Variants in COL6A1 observed in about 807,000 individuals in gnomAD.
The protein encoded by COL6A1 is collagen alpha-1(VI) chain.
COL6A1 carries 80 observed loss-of-function variants against 145.6 expected under a neutral mutation model. The observed-to-expected ratio is 0.55, with a 90% CI of 0.46 to 0.66. The LOEUF is 0.66. COL6A1 is among the 30% of genes least tolerant of loss of function. The probability of loss-of-function intolerance (pLI) is 0.00; values close to 1 mark genes in which losing one functional copy is unlikely to be tolerated. For missense variants in COL6A1, 1,364 were observed against 1,473.8 expected (o/e 0.93, Z 1.22); for synonymous variants, 638 against 622.8 (o/e 1.02, Z -0.36).
At chr21:45,986,765 T>A in intron 4 of COL6A1, 80 bp downstream of exon 4, 1 of 1,522,670 alleles carries the variant, frequency 6.6e-7, no homozygotes. Flanking sequence ...TGGGACCGTC[T>A]TTTGGTCCTC....
In COL6A1 at chr21:46,004,431, C is replaced by A. The variant is rs893139463; in HGVS notation, c.*418C>A. 2.9e-6 allele frequency: 1 copy of A among 343,850 alleles called. No individual in the cohort carries two copies. The highest frequency in any genetic ancestry group is 7.6e-5 in the East Asian group (1 of 13,230). The allele number at this position is 343,850 out of a possible 1,614,324, so 21.3% of individuals were successfully genotyped here. ...TCCTTCCCTAGGCACCTCTGTGCTG[C>A]ATCCCACCAGCCTGAGCAAGACGCC... is the stretch of plus-strand genomic sequence containing the variant. On this transcript the variant is annotated 3_prime_UTR_variant, in exon 35 of 35. Coordinates refer to ENST00000361866, the MANE Select transcript of COL6A1 (RefSeq NM_001848.3).
At position 45,994,201 on chromosome 21, in the gene COL6A1, A is replaced by G; in HGVS notation, c.1370A>G (p.Glu457Gly). 1.2e-6 allele frequency: 2 copies of G among 1,608,992 alleles called. No individual in the cohort carries two copies. The highest frequency in any genetic ancestry group is 1.7e-6 in the Non-Finnish European group (2 of 1,178,356). ...GGCCCGCAGGGTGATCAGGGAAGAG[A>G]AGGCCCCGTTGGTGTCCCTGGAGAC... ...EAGPQGDQGR[E>G]GPVGVPGDPG... is the part of the protein sequence containing the mutation. The change falls in exon 20 of 35, where the codon GAA (glutamate) becomes GGA (glycine). Residue 457 changes from glutamate (E) to glycine (G), a missense_variant. Physicochemically the swap from Glu to Gly is moderately conservative, Grantham distance 98. Transcript: ENST00000361866. The surrounding 1 kb of genome is among the most constrained non-coding windows in gnomAD (Gnocchi z 6.8).
chr21:45,997,608 G>C (rs201757400), intron 21 of COL6A1, 92 bp from the exon 22 acceptor site: 3 of 1,538,534 alleles, frequency 1.9e-6, no homozygotes, highest in Admixed American at 3.7e-5. Flanking sequence ...CCTGGCTCCC[G>C]ATGGGACCTC....
At chr21:45,982,334 G>A (rs1330134090) in intron 1 of COL6A1, among the ~76,000 whole-genome samples, 13 of 145,492 alleles carry the variant, frequency 8.9e-5, no homozygotes, top group Admixed American at 7.7e-4. Flanking sequence ...TCTGAATCCA[G>A]CGAGAAACCT....
At chr21:45,992,620 C>T (rs935861701) in intron 18 of COL6A1, 128 bp from the exon 19 acceptor site, 70 of 1,073,866 alleles carry the variant, frequency 6.5e-5, no homozygotes, top group African/African-American at 4.3e-4. Context: ...GTGGGGCATG[C>T]GGTGGAGGGG....
Position 46,003,739 on chromosome 21 carries a change from G to C in COL6A1, c.2813G>C (p.Arg938Thr), listed in dbSNP as rs753125917. 1 of 1,612,936 alleles carries C rather than the reference G, an allele frequency of 6.2e-7. No individual in the cohort carries two copies. Among genetic ancestry groups the C allele is most frequent in the Non-Finnish European group, 8.5e-7 (1 of 1,179,894 alleles). Reference protein sequence around the residue: ...REASSGAAKKRLLLFSDGNSQ... With the variant: ...REASSGAAKKTLLLFSDGNSQ... ...GCCTCGTCCGGCGCTGCCAAGAAGA[G>C]GCTGCTGCTCTTCTCAGATGGCAAC... Residue 938 changes from arginine to threonine, a missense_variant, in exon 35 of 35, where the codon AGG (arginine) becomes ACG (threonine). By Grantham distance (71) the Arg-to-Thr change is moderately conservative. Transcript: ENST00000361866.
chr21:45,986,686 G>A lies in COL6A1; in HGVS notation c.588+1G>A. ...GGTGGCCATCACACCCGACCACCTGGTAGGCACCGGCCCCCCCCGGCAGAT... is the reference window on the plus strand; with the variant it reads ...GGTGGCCATCACACCCGACCACCTGATAGGCACCGGCCCCCCCCGGCAGAT... On this transcript the variant is annotated splice_donor_variant, in intron 4 of 34. Coordinates refer to ENST00000361866, the MANE Select transcript of COL6A1 (RefSeq NM_001848.3). LOFTEE classifies it high-confidence loss of function. The A allele has an allele frequency of 6.5e-7, 1 of 1,545,110 alleles. No individual in the cohort carries two copies. The highest frequency in any genetic ancestry group is 8.7e-7 in the Non-Finnish European group (1 of 1,147,064).
chr21:45,985,684 G>A (rs73159603), intron 3 of COL6A1, among the ~76,000 whole-genome samples: 23,702 of 152,252 alleles, frequency 0.16, 2,250 homozygotes, highest in Middle Eastern at 0.29. Context: ...GGATCCCAGT[G>A]GGGGTACCCG....
chr21:46,004,822 C>T lies in COL6A1; in HGVS notation c.*809C>T. The T allele has an allele frequency of 3.1e-6, 1 of 321,330 alleles. No homozygotes were observed. Among genetic ancestry groups the T allele is most frequent in the Non-Finnish European group, 6.6e-6 (1 of 150,580 alleles). 19.9% of individuals were successfully genotyped at this position (321,330 alleles called of 1,614,324 possible). A position where few individuals can be genotyped will look rare whatever the true frequency, so the allele number is the denominator to read the frequency against. Reference sequence around the variant, plus strand: ...ACGGTGCTAACCCCGTCTGCTCCTCCCTCCCGCAGAGACTGGGGCCTGGAC... The same window carrying T: ...ACGGTGCTAACCCCGTCTGCTCCTCTCTCCCGCAGAGACTGGGGCCTGGAC... On this transcript the variant is annotated 3_prime_UTR_variant, in exon 35 of 35. Transcript: ENST00000361866.
In COL6A1 at chr21:45,989,590, TCTC is replaced by T; in HGVS notation, c.859-12_859-10del. The T allele has an allele frequency of 1.2e-6, 2 of 1,612,388 alleles. No homozygotes were observed. The highest frequency in any genetic ancestry group is 1.7e-6 in the Non-Finnish European group (2 of 1,179,812). ...CTGCTCCTCCGGGGGTGTCTCACCA[TCTC>T]CTCCTGTGTTCCAGGGAAGACCCGG... On this transcript the variant is annotated splice_polypyrimidine_tract_variant and intron_variant, in intron 9 of 34. Transcript: ENST00000361866.
chr21:46,003,863 T>C lies in COL6A1; in HGVS notation c.2937T>C (p.Asn979=). The change falls in exon 35 of 35, where the codon AAT becomes AAC. Residue 979 remains asparagine, a synonymous_variant. Transcript: ENST00000361866. The stretch of plus-strand genomic sequence containing the variant: ...TGGTGGTCGTGGGCCGCCAGGTGAA[T>C]GAGCCCCACATCCGCGTCCTGGTCA... ...IFVVVVGRQV[N]EPHIRVLVTG... 2 of 1,600,636 alleles carry C rather than the reference T, an allele frequency of 1.2e-6. No individual in the cohort carries two copies. The highest frequency in any genetic ancestry group is 2.2e-5 in the South Asian group (2 of 90,494).
Position 45,986,520 on chromosome 21 carries a change from G to A in COL6A1, c.429-6G>A. The A allele has an allele frequency of 6.4e-7, 1 of 1,556,020 alleles. No homozygotes were observed. The highest frequency in any genetic ancestry group is 2.4e-5 in the East Asian group (1 of 41,306). On this transcript the variant is annotated splice_polypyrimidine_tract_variant and splice_region_variant and intron_variant, in intron 3 of 34. Transcript: ENST00000361866. ...TCGAGGTCTCACGCTGCCCTCTCCTGTCCAGGGGCTCCCACCTGAAGGAGA... is the reference window on the plus strand; with the variant it reads ...TCGAGGTCTCACGCTGCCCTCTCCTATCCAGGGGCTCCCACCTGAAGGAGA...
chr21:45,992,423 G>A (rs534834772), intron 18 of COL6A1, 25 bp downstream of exon 18: 55 of 1,610,058 alleles, frequency 3.4e-5, no homozygotes, highest in South Asian at 2.8e-4. Flanking sequence ...GGCAGCCTGC[G>A]CTGTTGGCCT....
chr21:45,999,846 G>A (rs1401302304), intron 27 of COL6A1, among the ~76,000 whole-genome samples, 154 bp downstream of exon 27: 2 of 94,556 alleles, frequency 2.1e-5, no homozygotes, highest in Admixed American at 1.2e-4. Flanking sequence ...GACCCGTGAC[G>A]GCCATGGGAG....
rs762049791 is a variant in COL6A1, at chr21:45,998,129, C to T, written c.1533C>T (p.Asp511=). The change falls in exon 23 of 35, where the codon GAC becomes GAT. Residue 511 remains aspartate, a synonymous_variant. Coordinates refer to ENST00000361866, the MANE Select transcript of COL6A1 (RefSeq NM_001848.3). ...DPGLMGERGE[D]GPAGNGTEGF... Reference sequence around the variant, plus strand: ...CTACTCTGCTCCCCCAGGGAGAAGACGGCCCCGCTGGAAATGGCACCGAGG... The same window carrying T: ...CTACTCTGCTCCCCCAGGGAGAAGATGGCCCCGCTGGAAATGGCACCGAGG... 25 of 1,612,038 alleles carry T rather than the reference C, an allele frequency of 1.6e-5. No individual in the cohort carries two copies. In the South Asian group the frequency reaches 2.2e-4, roughly 14 times the overall value.
chr21:45,990,688 C>A, intron 13 of COL6A1, 85 bp from the exon 14 acceptor site: 1 of 1,232,454 alleles, frequency 8.1e-7, no homozygotes, highest in Non-Finnish European at 1.2e-6. Flanking sequence ...GTGTGGAGGG[C>A]ATGGAGGGCA....
chr21:45,997,749 T>G lies in COL6A1; in HGVS notation c.1511T>G (p.Leu504Arg), dbSNP rs751698124. The change falls in exon 22 of 35, where the codon CTG (leucine) becomes CGG (arginine). Residue 504 changes from leucine (L) to arginine (R), a missense_variant. Leu to Arg is a moderately radical substitution (Grantham distance 102). Transcript: ENST00000361866. ...GPAGPPGDPG[L>R]MGERGEDGPA... is the part of the protein sequence containing the mutation. ...GCCGGACCCCCTGGAGACCCGGGGC[T>G]GATGGGTGAAAGGGTGAGTGTCCAA... is the stretch of plus-strand genomic sequence containing the variant. The G allele has an allele frequency of 5.6e-6, 9 of 1,593,348 alleles. No homozygotes were observed. Among genetic ancestry groups the G allele is most frequent in the Admixed American group, 1.7e-5 (1 of 57,580 alleles).
chr21:46,002,545 A>G lies in COL6A1; in HGVS notation c.2269A>G (p.Lys757Glu). The G allele has an allele frequency of 6.2e-7, 1 of 1,614,112 alleles. No individual in the cohort carries two copies. Among genetic ancestry groups the G allele is most frequent in the Non-Finnish European group, 8.5e-7 (1 of 1,179,994 alleles). ...CCCACAGGTGGTCTCCGTGGGCATC[A>G]AAGACGTGTTTGACTTCATCCCAGG... The part of the protein sequence containing the change: ...PGIQVVSVGI[K>E]DVFDFIPGSD... The change falls in exon 33 of 35, where the codon AAA (lysine) becomes GAA (glutamate). Residue 757 changes from lysine to glutamate, a missense_variant. Lys to Glu is a moderately conservative substitution (Grantham distance 56). This residue lies in a region of COL6A1 where 938 missense variants were observed against 1,003.8 expected (regional missense o/e 0.93). Transcript: ENST00000361866.
chr21:45,999,089 C>CG, intron 25 of COL6A1, 64 bp from the exon 26 acceptor site: 1 of 1,545,514 alleles, frequency 6.5e-7, no homozygotes, highest in Admixed American at 2.0e-5. Flanking sequence ...GCTCTGTGGA[C>CG]GGGGCCAGCG....
Sources: gnomAD v4.1 joint callset for allele counts (sites outside exome capture counted in the v4.1 genomes callset) on GRCh38, gnomAD v4.1.1 for gene constraint, gnomAD v4.1.1 regional missense constraint, Gnocchi (gnomAD v3.1) non-coding constraint, MANE v1.5 for transcripts, NCBI Gene and HGNC (gene_info 2026-07-23, HGNC 2026-07-21) for gene names.